The following SHANK2 variants were observed in gnomAD, a reference collection of about 807,000 sequenced individuals.
SHANK2 encodes the protein SH3 and multiple ankyrin repeat domains 2.
Under a neutral mutation model 133.7 loss-of-function variants are expected in SHANK2, and 43 were observed. The observed-to-expected ratio is 0.32, with a 90% CI of 0.25 to 0.41. SHANK2 has a LOEUF of 0.41. SHANK2 is among the 10% of genes least tolerant of loss of function. The pLI, the probability that SHANK2 is intolerant of heterozygous loss-of-function variation, is 1.00. For synonymous variants in SHANK2, 1,017 were observed against 952.8 expected (o/e 1.07, Z -1.24); for missense variants, 1,994 against 2,235.8 (o/e 0.89, Z 2.18).
At chr11:70,655,130 CTT>C (rs1555011263) in intron 17 of SHANK2, among the ~76,000 whole-genome samples, 1 of 152,160 alleles carries the variant, frequency 6.6e-6, no homozygotes, top group Non-Finnish European at 1.5e-5. Flanking sequence ...CTTTATGGCT[CTT>C]GTTACATACT....
intron 17 of SHANK2, among the ~76,000 whole-genome samples, chr11:70,552,494 T>C (rs782507912): frequency 3.3e-5 from 5 of 152,226 alleles, no homozygotes; most frequent in Non-Finnish European, 7.3e-5. Context: ...CAGCAAGCGA[T>C]TAACTCTGCA....
chr11:71,170,727 C>A (rs117779142), intron 2 of SHANK2, among the ~76,000 whole-genome samples: 1,878 of 152,296 alleles, frequency 0.012, 22 homozygotes, highest in Non-Finnish European at 0.018. Flanking sequence ...GCAGAGCCCA[C>A]GCTCAAAGGG....
At chr11:70,930,196 G>T (rs1310981159) in intron 10 of SHANK2, among the ~76,000 whole-genome samples, 4 of 152,188 alleles carry the variant, frequency 2.6e-5, no homozygotes, top group Admixed American at 6.5e-5. Context: ...TCTCTCCCTG[G>T]ATGAGGATCA....
At position 71,235,596 on chromosome 11, in the gene SHANK2, G is replaced by GA. The variant is rs1555123614; in HGVS notation, c.-112-10801_-112-10800insT. On this transcript the variant is annotated intron_variant, in intron 1 of 25. Coordinates refer to ENST00000601538, the MANE Select transcript of SHANK2 (RefSeq NM_012309.5). Reference sequence around the variant, plus strand: ...CAACAAGAGTGAAACTCTCTCTCGGGGAAAAAAAAAAAAACGTTAACTTTA... The same window carrying GA: ...CAACAAGAGTGAAACTCTCTCTCGGGAGAAAAAAAAAAAAACGTTAACTTTA... 1.5e-4 allele frequency among the ~76,000 whole-genome samples: 14 copies of GA among 92,746 alleles called. 1 individual carries two copies. In the South Asian group the frequency reaches 2.1e-3, roughly 14 times the overall value. 60.8% of individuals were successfully genotyped at this position (92,746 alleles called of 152,430 possible). A position where few individuals can be genotyped will look rare whatever the true frequency, so the allele number is the denominator to read the frequency against.
intron 2 of SHANK2, among the ~76,000 whole-genome samples, chr11:71,200,513 C>T (rs559996562): frequency 1.9e-4 from 29 of 152,310 alleles, no homozygotes; most frequent in South Asian, 6.2e-4. Flanking sequence ...GCTAACTCCA[C>T]GTTTAACTTC....
At chr11:70,679,437 T>A (rs1296551872) in intron 15 of SHANK2, among the ~76,000 whole-genome samples, 1 of 152,104 alleles carries the variant, frequency 6.6e-6, no homozygotes, top group Non-Finnish European at 1.5e-5. Context: ...AGGTGGGAGA[T>A]CTCCCTGCAC....
intron 13 of SHANK2, 39 bp from the exon 14 acceptor site, chr11:70,798,595 A>G (rs1438624264): frequency 2.8e-6 from 2 of 717,100 alleles, no homozygotes; most frequent in Non-Finnish European, 5.2e-6. Context: ...AGCAGGGGGG[A>G]CGTGGAGGGC....
chr11:70,558,196 G>GC (rs1324274421), intron 17 of SHANK2, among the ~76,000 whole-genome samples: 1 of 152,164 alleles, frequency 6.6e-6, no homozygotes, highest in Non-Finnish European at 1.5e-5. Context: ...GAGCCCCCTG[G>GC]CCCCCCGACT....
At position 70,502,792 on chromosome 11, in the gene SHANK2, G is replaced by GTACC; in HGVS notation, c.2197_2197+3dup. The GTACC allele has an allele frequency of 6.3e-7, 1 of 1,588,642 alleles. No homozygotes were observed. The highest frequency in any genetic ancestry group is 1.1e-5 in the South Asian group (1 of 90,364). The stretch of plus-strand genomic sequence containing the variant: ...GCTGGAGCTGGGCGATGTGGGGCAT[G>GTACC]TACCTTTCTTCCTGGCGGTGTCGTC... On this transcript the variant is annotated splice_donor_region_variant and intron_variant, in intron 18 of 25. Coordinates refer to ENST00000601538, the MANE Select transcript of SHANK2 (RefSeq NM_012309.5).
chr11:71,222,355 C>CAG (rs1445678899), intron 2 of SHANK2, among the ~76,000 whole-genome samples: 1 of 152,224 alleles, frequency 6.6e-6, no homozygotes, highest in African/African-American at 2.4e-5. Flanking sequence ...TGCAGGGTTG[C>CAG]AGGGCTGCTG....
chr11:70,533,993 C>T (rs988528239), intron 17 of SHANK2, among the ~76,000 whole-genome samples: 1 of 152,204 alleles, frequency 6.6e-6, no homozygotes, highest in Admixed American at 6.5e-5. Context: ...GCCCATTCTC[C>T]AAGAGCTGTG....
chr11:70,834,812 T>C (rs1240492476), intron 11 of SHANK2, among the ~76,000 whole-genome samples: 1 of 152,082 alleles, frequency 6.6e-6, no homozygotes, highest in Admixed American at 6.5e-5. Flanking sequence ...TCCTGCAGGA[T>C]CGAGGGAGGC....
chr11:70,538,783 CAG>C (rs1554974615), intron 17 of SHANK2, among the ~76,000 whole-genome samples: 1 of 152,208 alleles, frequency 6.6e-6, no homozygotes, highest in Non-Finnish European at 1.5e-5. Context: ...CCATTCCACA[CAG>C]AGAAAGCACT....
chr11:71,153,151 G>A (rs553051288), intron 2 of SHANK2, among the ~76,000 whole-genome samples: 4 of 152,134 alleles, frequency 2.6e-5, no homozygotes, highest in African/African-American at 9.7e-5. Flanking sequence ...GGGAGGCTCC[G>A]CAGAGAGAAT....
chr11:70,629,879 C>T (rs992607453), intron 17 of SHANK2, among the ~76,000 whole-genome samples: 2 of 152,194 alleles, frequency 1.3e-5, no homozygotes, highest in Admixed American at 1.3e-4. Flanking sequence ...AGTCCCCTTC[C>T]TCACTATGAG....
intron 17 of SHANK2, among the ~76,000 whole-genome samples, chr11:70,622,196 C>A (rs1392119528): frequency 6.6e-6 from 1 of 152,162 alleles, no homozygotes; most frequent in African/African-American, 2.4e-5. Context: ...ATGGAATGGA[C>A]GTCTCCAATC....
intron 1 of SHANK2, among the ~76,000 whole-genome samples, chr11:71,225,204 A>G (rs1317779703): frequency 1.3e-5 from 2 of 152,334 alleles, no homozygotes; most frequent in South Asian, 4.1e-4. Context: ...ACAGGGCAAT[A>G]TATTTAGACA....
chr11:71,200,360 TCAG>T (rs1457205466), intron 2 of SHANK2, among the ~76,000 whole-genome samples: 4 of 152,222 alleles, frequency 2.6e-5, no homozygotes, highest in African/African-American at 9.6e-5. Flanking sequence ...TATTTATTAC[TCAG>T]CTGACAGACA....
intron 15 of SHANK2, among the ~76,000 whole-genome samples, chr11:70,666,821 C>T (rs1451476741): frequency 6.6e-6 from 1 of 151,856 alleles, no homozygotes; most frequent in Admixed American, 6.5e-5. Context: ...CCCTGATCCT[C>T]TGAGTATCTC....
Sources: gnomAD v4.1 joint callset for allele counts (sites outside exome capture counted in the v4.1 genomes callset) on GRCh38, gnomAD v4.1.1 for gene constraint, MANE v1.5 for transcripts, NCBI Gene and HGNC (gene_info 2026-07-23, HGNC 2026-07-21) for gene names.